PALB2: variants seen among roughly 807,000 people sequenced by gnomAD.
The protein encoded by PALB2 is partner and localizer of BRCA2.
In PALB2, 82 loss-of-function variants were observed where a neutral mutation model predicts 107.4. The observed-to-expected ratio is 0.76, with a 90% CI of 0.64 to 0.92. The LOEUF (loss-of-function observed/expected upper bound fraction) is 0.92. Among genes scored for constraint, PALB2 ranks in the 40% least tolerant of loss-of-function variants. The pLI is 0.00. For missense variants in PALB2, 1,374 were observed against 1,379.9 expected, an observed-to-expected ratio of 1.00 and a Z score of 0.07; for synonymous variants, 489 against 496.8, an observed-to-expected ratio of 0.98 and a Z score of 0.21.
chr16:23,604,447 G>A (rs1246602586), intron 12 of PALB2, among the ~76,000 whole-genome samples: 5 of 152,246 alleles, frequency 3.3e-5, no homozygotes, highest in Admixed American at 2.0e-4. Flanking sequence ...CGCAGTGCCT[G>A]GCACACAGGA....
At chr16:23,620,822 C>T (rs770042761) in intron 10 of PALB2, among the ~76,000 whole-genome samples, 7 of 152,196 alleles carry the variant, frequency 4.6e-5, no homozygotes, top group Non-Finnish European at 8.8e-5. Context: ...CCTGTAATCC[C>T]AGCAATTTGG....
rs1313634930 is a variant in PALB2, at chr16:23,636,313, A to G, written c.233T>C (p.Val78Ala). 4 of 1,610,490 alleles carry G rather than the reference A, an allele frequency of 2.5e-6. No individual in the cohort carries two copies. In the South Asian group the frequency reaches 4.4e-5, roughly 18 times the overall value. ...KHSEPKNKIC[V>A]YDKLHIKTHL... ...GGTTTTGATGTGTAACTTGTCATAA[A>G]CACATATTTTATTTTTAGGTTCTGA... Residue 78 changes from valine (V) to alanine (A), a missense_variant, in exon 4 of 13, where the codon GTT becomes GCT. Val to Ala is a moderately conservative substitution (Grantham distance 64, BLOSUM62 0). Transcript: ENST00000261584.
intron 1 of PALB2, among the ~76,000 whole-genome samples, chr16:23,639,927 CCTGGCGTGCAGT>C (rs1185347845): frequency 6.6e-6 from 1 of 152,116 alleles, no homozygotes; most frequent in African/African-American, 2.4e-5. Context: ...TGTCGTCCAG[CCTGGCGTGCAGT>C]GGCGCGATCT....
chr16:23,614,115 C>T (rs2142300535), intron 10 of PALB2, 24 bp from the exon 11 acceptor site: 2 of 1,491,298 alleles, frequency 1.3e-6, no homozygotes, highest in East Asian at 2.3e-5. Context: ...AATAAATAAG[C>T]TGATCACATT....
Position 23,608,797 on chromosome 16 carries a change from T to TACACACACACACACACACACACACACAC in PALB2, c.3202-786_3202-785insGTGTGTGTGTGTGTGTGTGTGTGTGTGT, listed in dbSNP as rs1310999089. Among the ~76,000 whole-genome samples, 28 of 111,392 alleles carry TACACACACACACACACACACACACACAC rather than the reference T, an allele frequency of 2.5e-4. 1 individual carries two copies. Among genetic ancestry groups the TACACACACACACACACACACACACACAC allele is most frequent in the Middle Eastern group, 4.6e-3 (1 of 216 alleles). The allele number at this position is 111,392 out of a possible 152,430, so 73.1% of individuals were successfully genotyped here. A position where few individuals can be genotyped will look rare whatever the true frequency, so the allele number is the denominator to read the frequency against. ...AATAATATTACTGTATGTGTGTATA[T>TACACACACACACACACACACACACACAC]ATATACACACACACACACACACACA... is the stretch of plus-strand genomic sequence containing the variant. On this transcript the variant is annotated intron_variant, in intron 11 of 12. Transcript: ENST00000261584.
Position 23,629,878 on chromosome 16 carries a change from T to C in PALB2, c.2276A>G (p.Gln759Arg), listed in dbSNP as rs1555460421. The change falls in exon 5 of 13, where the codon CAA (glutamine) becomes CGA (arginine). Residue 759 changes from glutamine (Q) to arginine (R), a missense_variant. Physicochemically the swap from Gln to Arg is conservative, Grantham distance 43. Transcript: ENST00000261584. ...EVAGRTCCTPQLAHLKDSVCL... is the reference protein window; with the variant it reads ...EVAGRTCCTPRLAHLKDSVCL... ...GACTGAGTCTTTCAAATGAGCAAGT[T>C]GGGGTGTGCAGCAAGTTCGTCCAGC... is the stretch of plus-strand genomic sequence containing the variant. 1 of 1,614,150 alleles carries C rather than the reference T, an allele frequency of 6.2e-7. No individual in the cohort carries two copies. The highest frequency in any genetic ancestry group is 8.5e-7 in the Non-Finnish European group (1 of 1,180,032).
At chr16:23,631,279 C>CAA (rs1157091932) in intron 4 of PALB2, among the ~76,000 whole-genome samples, 7 of 23,616 alleles carry the variant, frequency 3.0e-4, no homozygotes, top group East Asian at 1.5e-3. Context: ...GACTCTGTCT[C>CAA]AAAAAAAAAA....
chr16:23,613,866 G>A (rs1029286142), intron 11 of PALB2, 138 bp downstream of exon 11: 40 of 693,510 alleles, frequency 5.8e-5, no homozygotes, highest in Admixed American at 9.3e-5. Flanking sequence ...TAAATTTCAA[G>A]AAAGGACAAA....
rs746702349 is a variant in PALB2, at chr16:23,630,362, G to A, written c.1792C>T (p.Leu598=). 2 of 1,613,888 alleles carry A rather than the reference G, an allele frequency of 1.2e-6. No individual in the cohort carries two copies. Among genetic ancestry groups the A allele is most frequent in the African/African-American group, 2.7e-5 (2 of 74,900 alleles). ...AAAGACAGTAGTTGCTTTAAACTCA[G>A]CATTCCATCCCTATGAAATGGAGCC... ...FTAPFHRDGM[L]SLKQLLSFLS... is the part of the protein sequence containing the mutation. Residue 598 remains leucine, a synonymous_variant, in exon 5 of 13, where the codon CTG becomes TTG. Transcript: ENST00000261584.
intron 4 of PALB2, among the ~76,000 whole-genome samples, chr16:23,633,101 T>C (rs1383219735): frequency 6.6e-6 from 1 of 151,142 alleles, no homozygotes; most frequent in Non-Finnish European, 1.5e-5. Flanking sequence ...TCAACAACAA[T>C]AAAAAAAAAC....
chr16:23,610,378 G>A (rs542746209), intron 11 of PALB2, among the ~76,000 whole-genome samples: 92 of 148,538 alleles, frequency 6.2e-4, no homozygotes, highest in South Asian at 2.1e-3. Context: ...GCAGGATGTC[G>A]TCTCACTGCA....
At chr16:23,622,387 T>TTG (rs142078087) in intron 9 of PALB2, among the ~76,000 whole-genome samples, 4,388 of 148,892 alleles carry the variant, frequency 0.029, 71 homozygotes, top group African/African-American at 0.057. Flanking sequence ...TTAAAAATAT[T>TTG]TGTGTGTGTG....
At chr16:23,614,773 C>T (rs1246538110) in intron 10 of PALB2, among the ~76,000 whole-genome samples, 1 of 148,482 alleles carries the variant, frequency 6.7e-6, no homozygotes, top group Non-Finnish European at 1.5e-5. Context: ...GCCTCAGCCT[C>T]CCGAGTAGCT....
intron 11 of PALB2, among the ~76,000 whole-genome samples, chr16:23,612,905 A>ACCACGC (rs1460217349): frequency 6.6e-6 from 1 of 152,048 alleles, no homozygotes; most frequent in Non-Finnish European, 1.5e-5. Context: ...GGCATGCGCC[A>ACCACGC]CCACGCCCAC....
intron 7 of PALB2, among the ~76,000 whole-genome samples, chr16:23,625,104 G>A (rs113897409): frequency 0.025 from 3,824 of 152,080 alleles, 72 homozygotes; most frequent in Middle Eastern, 0.088. Flanking sequence ...AAGCCGAGGC[G>A]AGTGGATCAC....
intron 9 of PALB2, among the ~76,000 whole-genome samples, chr16:23,622,399 G>C (rs905750841): frequency 7.9e-5 from 12 of 152,064 alleles, no homozygotes; most frequent in African/African-American, 2.7e-4. Flanking sequence ...GTGTGTGTGT[G>C]TGTGTGTGTG....
At chr16:23,628,778 C>T (rs925720751) in intron 6 of PALB2, among the ~76,000 whole-genome samples, 19 of 152,182 alleles carry the variant, frequency 1.2e-4, no homozygotes, top group South Asian at 8.3e-4. Flanking sequence ...GGATTATAGG[C>T]GCCCACCACC....
intron 10 of PALB2, among the ~76,000 whole-genome samples, chr16:23,615,331 G>A (rs1966666572): frequency 6.6e-6 from 1 of 152,026 alleles, no homozygotes; most frequent in Non-Finnish European, 1.5e-5. Flanking sequence ...GGAGCTTAGG[G>A]TCTCGCTCCA....
rs569317009 is a variant in PALB2, at chr16:23,609,760, C to T, written c.3202-1748G>A. 7.9e-5 allele frequency among the ~76,000 whole-genome samples: 12 copies of T among 152,324 alleles called. No individual in the cohort carries two copies. The East Asian group carries it at 1.5e-3, about 20-fold the overall frequency. ...CTCGATCTCCTGACCTCATGATCCG[C>T]CCGCCTTAGCCTCCCAAAGTGCTGG... On this transcript the variant is annotated intron_variant, in intron 11 of 12. Transcript: ENST00000261584.
Sources: gnomAD v4.1 joint callset for allele counts (sites outside exome capture counted in the v4.1 genomes callset) on GRCh38, gnomAD v4.1.1 for gene constraint, MANE v1.5 for transcripts, NCBI Gene and HGNC (gene_info 2026-07-23, HGNC 2026-07-21) for gene names.